PREX1: variants seen among roughly 807,000 people sequenced by gnomAD.
PREX1 encodes phosphatidylinositol-3,4,5-trisphosphate dependent Rac exchange factor 1.
A neutral mutation model predicts 198.3 loss-of-function variants in PREX1; 41 were observed. The observed-to-expected ratio is 0.21, with a 90% CI of 0.16 to 0.27. The LOEUF (loss-of-function observed/expected upper bound fraction) is 0.27. Ranked by LOEUF, PREX1 falls within the 10% of genes least tolerant of loss-of-function variation. The pLI is 1.00. For missense variants in PREX1, 1,620 were observed against 2,200.7 expected (o/e 0.74, Z 5.28); for synonymous variants, 843 against 887.2 (o/e 0.95, Z 0.89).
At chr20:48,707,387 C>T (rs1458162723) in intron 6 of PREX1, among the ~76,000 whole-genome samples, 1 of 152,224 alleles carries the variant, frequency 6.6e-6, no homozygotes, top group Non-Finnish European at 1.5e-5. Flanking sequence ...ATCCACCCCT[C>T]CCTGAATGCA....
At chr20:48,657,013 C>T in intron 18 of PREX1, 27 bp downstream of exon 18, 1 of 1,561,536 alleles carries the variant, frequency 6.4e-7, no homozygotes, top group Middle Eastern at 1.9e-4. Context: ...GGGAGGGCTG[C>T]CGGACACCCC....
chr20:48,693,225 T>TC (rs373710047), intron 7 of PREX1, among the ~76,000 whole-genome samples: 4 of 149,842 alleles, frequency 2.7e-5, no homozygotes, highest in Non-Finnish European at 5.9e-5. Flanking sequence ...CATCCATCCA[T>TC]CATCCACCTT....
At chr20:48,813,467 T>C (rs1378881425) in intron 1 of PREX1, among the ~76,000 whole-genome samples, 1 of 152,212 alleles carries the variant, frequency 6.6e-6, no homozygotes, top group African/African-American at 2.4e-5. Flanking sequence ...TAGTGAAATC[T>C]GAATATAGAC....
At chr20:48,780,763 C>T (rs1181353015) in intron 1 of PREX1, among the ~76,000 whole-genome samples, 1 of 152,168 alleles carries the variant, frequency 6.6e-6, no homozygotes, top group Non-Finnish European at 1.5e-5. Flanking sequence ...CCGGTGGATG[C>T]TAAAACTAGT....
chr20:48,750,607 TC>T (rs2090129893), intron 1 of PREX1, among the ~76,000 whole-genome samples: 1 of 152,132 alleles, frequency 6.6e-6, no homozygotes, highest in African/African-American at 2.4e-5. Flanking sequence ...CAAGATGTTC[TC>T]CCCCATTCTG....
chr20:48,794,055 T>C (rs898166155), intron 1 of PREX1, among the ~76,000 whole-genome samples: 30 of 152,098 alleles, frequency 2.0e-4, no homozygotes, highest in African/African-American at 6.8e-4. Flanking sequence ...GAAGCCCCCA[T>C]GGGACAAGAG....
At chr20:48,859,018 C>T in the PREX1 span, among the ~76,000 whole-genome samples, 1 of 152,182 alleles carries the variant, frequency 6.6e-6, no homozygotes, top group South Asian at 2.1e-4. Flanking sequence ...ATCTCAGCCT[C>T]CCGAGTAGCT....
intron 1 of PREX1, among the ~76,000 whole-genome samples, chr20:48,759,549 CAAAA>C (rs386393896): frequency 5.4e-5 from 4 of 73,976 alleles, no homozygotes; most frequent in African/African-American, 2.4e-4. Context: ...GATTCCATCT[CAAAA>C]AAAAAAAAAA....
chr20:48,671,076 C>G (rs940522331), intron 14 of PREX1, among the ~76,000 whole-genome samples: 4 of 152,204 alleles, frequency 2.6e-5, no homozygotes, highest in Non-Finnish European at 4.4e-5. Context: ...GCCTAGCAAG[C>G]CACCTCCCGA....
chr20:48,835,572 G>A, the PREX1 span, among the ~76,000 whole-genome samples: 1 of 152,214 alleles, frequency 6.6e-6, no homozygotes, highest in Admixed American at 6.5e-5. Context: ...GAGGGAGTGG[G>A]CCCCACCTGT....
chr20:48,704,589 A>G (rs1011353362), intron 6 of PREX1, among the ~76,000 whole-genome samples: 1 of 145,500 alleles, frequency 6.9e-6, no homozygotes, highest in Non-Finnish European at 1.5e-5. Flanking sequence ...GATGGAGTCT[A>G]GCTCTGTCGA....
chr20:48,695,675 C>A lies in PREX1; in HGVS notation c.918-2885G>T, dbSNP rs560957968. ...TTCCCTGATGAGTAAATAACCTCAACCACTGTATGTTTATTGGCGATCTGG... is the reference window on the plus strand; with the variant it reads ...TTCCCTGATGAGTAAATAACCTCAAACACTGTATGTTTATTGGCGATCTGG... On this transcript the variant is annotated intron_variant, in intron 7 of 39. Coordinates refer to ENST00000371941, the MANE Select transcript of PREX1 (RefSeq NM_020820.4). Among the ~76,000 whole-genome samples, 10 of 152,332 alleles carry A rather than the reference C, an allele frequency of 6.6e-5. No homozygotes were observed. In the South Asian group the frequency reaches 2.1e-3, roughly 32 times the overall value.
chr20:48,763,645 A>C (rs2090194855), intron 1 of PREX1, among the ~76,000 whole-genome samples: 1 of 152,114 alleles, frequency 6.6e-6, no homozygotes, highest in South Asian at 2.1e-4. Flanking sequence ...CTGGTGAAGG[A>C]TTGTATTTGT....
chr20:48,661,556 T>TATAC (rs1555832871), intron 15 of PREX1, among the ~76,000 whole-genome samples: 125 of 127,884 alleles, frequency 9.8e-4, no homozygotes, highest in South Asian at 5.9e-3. Context: ...TATATATATA[T>TATAC]ACACACACAC....
chr20:48,811,000 G>A (rs548895850), intron 1 of PREX1, among the ~76,000 whole-genome samples: 35 of 152,294 alleles, frequency 2.3e-4, no homozygotes, highest in African/African-American at 8.4e-4. Flanking sequence ...GGAGACTGTG[G>A]CTAAATGAAG....
intron 8 of PREX1, 96 bp downstream of exon 8, chr20:48,692,576 G>T: frequency 9.6e-7 from 1 of 1,046,726 alleles, no homozygotes; most frequent in South Asian, 1.5e-5. Context: ...TACATCTCAT[G>T]ATAAAAGAAA....
Position 48,636,537 on chromosome 20 carries a change from G to T in PREX1, c.4093C>A (p.Arg1365Ser), listed in dbSNP as rs779961704. Residue 1365 changes from arginine to serine, a missense_variant, in exon 32 of 40, where the codon CGC becomes AGC. By Grantham distance (110) the Arg-to-Ser change is moderately radical (BLOSUM62 -1). This residue lies in a region of PREX1 where 476 missense variants were observed against 603.4 expected (regional missense o/e 0.79). Coordinates refer to ENST00000371941, the MANE Select transcript of PREX1 (RefSeq NM_020820.4). Reference protein sequence around the residue: ...EYEESSRDASRKWLEQVAATG... With the variant: ...EYEESSRDASSKWLEQVAATG... ...GCCGCCACCTGCTCCAGCCACTTGC[G>T]GCTGGCGTCGCGGCTGCTCTCCTCG... 1 of 1,611,454 alleles carries T rather than the reference G, an allele frequency of 6.2e-7. No homozygotes were observed. Among genetic ancestry groups the T allele is most frequent in the African/African-American group, 1.3e-5 (1 of 75,044 alleles).
chr20:48,838,798 C>T, the PREX1 span, among the ~76,000 whole-genome samples: 1 of 151,886 alleles, frequency 6.6e-6, no homozygotes, highest in East Asian at 1.9e-4. Flanking sequence ...GAGGTGGAGG[C>T]TGCTGGATCA....
rs534460289 is a variant in PREX1 at position 48,639,467 on chromosome 20, C to G, written c.3904+299G>C. ...CAATGCTTTGGAAGCTGAGAAAGAA[C>G]AGGTTCAGCCTTTTCAACCTCCAAA... On this transcript the variant is annotated intron_variant, in intron 30 of 39. Coordinates refer to ENST00000371941, the MANE Select transcript of PREX1 (RefSeq NM_020820.4). Among the ~76,000 whole-genome samples, 7 of 152,322 alleles carry G rather than the reference C, an allele frequency of 4.6e-5. No individual in the cohort carries two copies. The East Asian group carries it at 1.3e-3, about 29-fold the overall frequency.
Sources: allele counts gnomAD v4.1 joint callset (sites outside exome capture counted in the v4.1 genomes callset), GRCh38; gene constraint gnomAD v4.1.1; regional missense constraint gnomAD v4.1.1; transcripts MANE v1.5; gene names NCBI Gene and HGNC (gene_info 2026-07-23, HGNC 2026-07-21).